PCDH15: variants seen among roughly 807,000 people sequenced by gnomAD.
The protein encoded by PCDH15 is protocadherin-15.
Under a neutral mutation model 178.5 loss-of-function variants are expected in PCDH15, and 129 were observed. That is an observed-to-expected ratio of 0.72 (90% CI 0.63 to 0.84). The LOEUF (loss-of-function observed/expected upper bound fraction) is 0.84, where lower values mean the gene tolerates loss of function less well. PCDH15 is among the 40% of genes least tolerant of loss of function. The pLI, the probability that PCDH15 is intolerant of heterozygous loss-of-function variation, is 0.00. For synonymous variants in PCDH15, 800 were observed against 732.0 expected, an observed-to-expected ratio of 1.09 and a Z score of -1.50; for missense variants, 2,230 against 2,099.9, an observed-to-expected ratio of 1.06 and a Z score of -1.21.
At chr10:54,844,546 T>G (rs1443218554) in intron 3 of PCDH15, among the ~76,000 whole-genome samples, 1 of 152,022 alleles carries the variant, frequency 6.6e-6, no homozygotes, top group Admixed American at 6.6e-5. Flanking sequence ...TTTCCCTCAC[T>G]CCTGCTTTGG....
At chr10:55,062,815 T>G (rs1020791482) in intron 2 of PCDH15, among the ~76,000 whole-genome samples, 1 of 152,158 alleles carries the variant, frequency 6.6e-6, no homozygotes, top group Non-Finnish European at 1.5e-5. Flanking sequence ...TTGGTAATAG[T>G]GGAGGTTGTG....
At chr10:54,437,115 T>A (rs2075471762) in intron 3 of PCDH15, among the ~76,000 whole-genome samples, 2 of 152,194 alleles carry the variant, frequency 1.3e-5, no homozygotes, top group African/African-American at 2.4e-5. Flanking sequence ...GGAATTTTGT[T>A]GTAGCTGTAA....
chr10:54,365,045 G>A (rs765542117), intron 5 of PCDH15, among the ~76,000 whole-genome samples: 2 of 151,932 alleles, frequency 1.3e-5, no homozygotes, highest in East Asian at 1.9e-4. Context: ...GCCTCTCTCT[G>A]ACTCTAGCCA....
At chr10:54,541,831 A>C (rs145145072) in intron 2 of PCDH15, among the ~76,000 whole-genome samples, 2,412 of 152,256 alleles carry the variant, frequency 0.016, 26 homozygotes, top group Non-Finnish European at 0.025. Context: ...TTACTAAGAC[A>C]CTCAACAAGG....
intron 25 of PCDH15, among the ~76,000 whole-genome samples, chr10:53,935,262 C>T (rs2085467026): frequency 2.0e-5 from 3 of 152,148 alleles, no homozygotes; most frequent in Admixed American, 6.5e-5. Flanking sequence ...TGCACCAAAA[C>T]ATAGGAAATA....
chr10:53,839,473 A>G (rs1303458809), intron 29 of PCDH15, among the ~76,000 whole-genome samples: 1 of 152,074 alleles, frequency 6.6e-6, no homozygotes, highest in Non-Finnish European at 1.5e-5. Flanking sequence ...TATGCTGTTT[A>G]AAAAGTATAG....
chr10:55,539,584 A>G (rs547997667), intron 2 of PCDH15, among the ~76,000 whole-genome samples: 55 of 152,236 alleles, frequency 3.6e-4, no homozygotes, highest in Admixed American at 3.1e-3. Flanking sequence ...CTATGTGCAA[A>G]TTAATGTTCA....
chr10:54,210,698 C>G (rs558995819), intron 10 of PCDH15, among the ~76,000 whole-genome samples: 84 of 151,916 alleles, frequency 5.5e-4, no homozygotes, highest in African/African-American at 1.8e-3. Context: ...GTTGAGGGCA[C>G]TGGAAGCGGT....
At chr10:54,055,015 C>T (rs2610917) in intron 18 of PCDH15, among the ~76,000 whole-genome samples, 2,417 of 152,130 alleles carry the variant, frequency 0.016, 59 homozygotes, top group African/African-American at 0.055. Context: ...GTTTTAGAAC[C>T]CCACACAGGG....
chr10:53,822,133 G>C, intron 32 of PCDH15: 4 of 1,614,062 alleles, frequency 2.5e-6, no homozygotes, highest in Non-Finnish European at 3.4e-6. Context: ...GTTGTTGATA[G>C]CTGTGTCATA....
At chr10:55,103,764 T>C (rs1317743362) in intron 2 of PCDH15, among the ~76,000 whole-genome samples, 3 of 152,112 alleles carry the variant, frequency 2.0e-5, no homozygotes, top group African/African-American at 7.2e-5. Flanking sequence ...GAATTAGAGA[T>C]ATTGTGTTTA....
chr10:55,553,926 TA>T (rs1842043757), intron 2 of PCDH15, among the ~76,000 whole-genome samples: 1 of 151,992 alleles, frequency 6.6e-6, no homozygotes, highest in African/African-American at 2.4e-5. Flanking sequence ...ATGTTAAATA[TA>T]AGTTTTTAAT....
At chr10:54,125,313 C>G (rs2041899341) in intron 15 of PCDH15, among the ~76,000 whole-genome samples, 2 of 152,172 alleles carry the variant, frequency 1.3e-5, no homozygotes, top group African/African-American at 4.8e-5. Flanking sequence ...ATCAAAGCAT[C>G]AGAGCGAGTC....
chr10:55,390,239 T>C (rs1411908628), intron 2 of PCDH15, among the ~76,000 whole-genome samples: 1 of 152,166 alleles, frequency 6.6e-6, no homozygotes, highest in African/African-American at 2.4e-5. Context: ...AATTAAAAAA[T>C]ACATCTTTGC....
chr10:54,953,668 T>C (rs758037981), intron 2 of PCDH15, among the ~76,000 whole-genome samples: 4 of 151,358 alleles, frequency 2.6e-5, no homozygotes, highest in Non-Finnish European at 5.9e-5. Flanking sequence ...CACTTGTACA[T>C]ACTCTTACAA....
chr10:54,071,380 T>G (rs1156550750), intron 17 of PCDH15, among the ~76,000 whole-genome samples: 2 of 152,178 alleles, frequency 1.3e-5, no homozygotes, highest in Admixed American at 6.5e-5. Flanking sequence ...TTAAGGGCAG[T>G]GTGTAATACT....
intron 23 of PCDH15, among the ~76,000 whole-genome samples, chr10:53,943,347 G>T (rs1029040712): frequency 1.3e-5 from 2 of 151,942 alleles, no homozygotes; most frequent in African/African-American, 4.8e-5. Flanking sequence ...GTGGTGGTGT[G>T]CTCCTATAGT....
intron 2 of PCDH15, among the ~76,000 whole-genome samples, chr10:55,463,731 A>G (rs1839728838): frequency 6.6e-6 from 1 of 151,776 alleles, no homozygotes; most frequent in African/African-American, 2.4e-5. Flanking sequence ...ACTGCGTCAA[A>G]CTCAATCACA....
chr10:55,114,041 C>G (rs1009342483), intron 2 of PCDH15, among the ~76,000 whole-genome samples: 1 of 152,168 alleles, frequency 6.6e-6, no homozygotes, highest in African/African-American at 2.4e-5. Flanking sequence ...CTCTGCCTCC[C>G]AGGTTCACAC....
Sources: gnomAD v4.1 joint callset for allele counts (sites outside exome capture counted in the v4.1 genomes callset) on GRCh38, gnomAD v4.1.1 for gene constraint, MANE v1.5 for transcripts, NCBI Gene and HGNC (gene_info 2026-07-23, HGNC 2026-07-21) for gene names.